The following CADPS variants were observed in gnomAD, a reference collection of about 807,000 sequenced individuals.
CADPS encodes the protein calcium-dependent secretion activator 1.
In CADPS, 57 loss-of-function variants were observed where a neutral mutation model predicts 167.3. That is an observed-to-expected ratio of 0.34 (90% CI 0.28 to 0.42). CADPS has a LOEUF of 0.42. Among genes scored for constraint, CADPS ranks in the 20% least tolerant of loss-of-function variants. The pLI is 1.00. For synonymous variants in CADPS, 676 were observed against 635.3 expected (o/e 1.06, Z -0.96); for missense variants, 1,414 against 1,738.1 (o/e 0.81, Z 3.32).
intron 1 of CADPS, chr3:62,814,469 T>A (rs1028091181): frequency 6.6e-6 from 1 of 152,158 alleles, no homozygotes; most frequent in African/African-American, 2.4e-5. Context: ...ATGACATAAA[T>A]TCGTGAAGCG....
intron 6 of CADPS, among the ~76,000 whole-genome samples, chr3:62,641,012 T>C (rs901340237): frequency 6.6e-6 from 1 of 152,222 alleles, no homozygotes; most frequent in South Asian, 2.1e-4. Flanking sequence ...CAAGATACTT[T>C]CATGATTACT....
At chr3:62,851,536 C>T (rs1232245553) in intron 1 of CADPS, among the ~76,000 whole-genome samples, 2 of 147,104 alleles carry the variant, frequency 1.4e-5, no homozygotes, top group Admixed American at 1.4e-4. Flanking sequence ...ACTTATGAAG[C>T]TTAGTTTGGC....
At chr3:62,694,799 G>T (rs540259331) in intron 3 of CADPS, among the ~76,000 whole-genome samples, 2 of 152,158 alleles carry the variant, frequency 1.3e-5, no homozygotes, top group African/African-American at 2.4e-5. Flanking sequence ...AAGGTAGAAT[G>T]GTTTACTGAA....
chr3:62,616,557 A>C (rs1167339717), intron 6 of CADPS, among the ~76,000 whole-genome samples: 1 of 152,168 alleles, frequency 6.6e-6, no homozygotes, highest in African/African-American at 2.4e-5. Context: ...GGTCATGTCC[A>C]GGGACCCCGG....
chr3:62,542,973 TTAA>T (rs1232031522), intron 11 of CADPS, among the ~76,000 whole-genome samples: 1 of 152,186 alleles, frequency 6.6e-6, no homozygotes, highest in Non-Finnish European at 1.5e-5. Flanking sequence ...CTATACCTGA[TTAA>T]TAATCTTACT....
At chr3:62,639,323 G>A (rs1051951762) in intron 6 of CADPS, among the ~76,000 whole-genome samples, 1 of 152,204 alleles carries the variant, frequency 6.6e-6, no homozygotes, top group South Asian at 2.1e-4. Context: ...CCACGTTCTC[G>A]CTACATAATG....
intron 6 of CADPS, among the ~76,000 whole-genome samples, chr3:62,610,887 G>T (rs1047591472): frequency 6.6e-6 from 1 of 151,016 alleles, no homozygotes; most frequent in Non-Finnish European, 1.5e-5. Flanking sequence ...TGGGAGGGGG[G>T]TGTGGGGGGC....
At chr3:62,676,007 C>A (rs1031381842) in intron 3 of CADPS, among the ~76,000 whole-genome samples, 6 of 152,036 alleles carry the variant, frequency 3.9e-5, no homozygotes, top group Admixed American at 3.3e-4. Flanking sequence ...TATGCAGGAA[C>A]CTTAAGTAAC....
At chr3:62,835,929 C>T (rs1428806964) in intron 1 of CADPS, among the ~76,000 whole-genome samples, 4 of 152,160 alleles carry the variant, frequency 2.6e-5, no homozygotes, top group Non-Finnish European at 5.9e-5. Flanking sequence ...GCTAATGCAG[C>T]TCCCTTCTCT....
intron 1 of CADPS, among the ~76,000 whole-genome samples, chr3:62,853,590 A>C (rs1241226275): frequency 1.3e-5 from 2 of 148,702 alleles, no homozygotes; most frequent in Non-Finnish European, 3.0e-5. Flanking sequence ...GTGTCATTGC[A>C]CTCCAGCCTG....
chr3:62,556,677 A>AT (rs921398813), intron 10 of CADPS, among the ~76,000 whole-genome samples: 104 of 147,294 alleles, frequency 7.1e-4, no homozygotes, highest in African/African-American at 9.7e-4. Context: ...ATTTCTATTC[A>AT]TTTTTTTTTT....
At chr3:62,810,828 G>T (rs1018067903) in intron 1 of CADPS, among the ~76,000 whole-genome samples, 2 of 152,218 alleles carry the variant, frequency 1.3e-5, no homozygotes, top group African/African-American at 4.8e-5. Flanking sequence ...TAGGGCGATT[G>T]TGAGGGCGCA....
chr3:62,578,291 A>G (rs2082696128), intron 8 of CADPS, among the ~76,000 whole-genome samples: 2 of 152,028 alleles, frequency 1.3e-5, no homozygotes. Flanking sequence ...AGATTATTTC[A>G]TAATGTAAAA....
At chr3:62,495,922 A>G (rs2064681557) in intron 18 of CADPS, among the ~76,000 whole-genome samples, 1 of 152,150 alleles carries the variant, frequency 6.6e-6, no homozygotes, top group Admixed American at 6.6e-5. Context: ...TTTATCTTGG[A>G]ATTTAAAATG....
chr3:62,754,569 G>A (rs2083437033), intron 2 of CADPS, among the ~76,000 whole-genome samples: 1 of 152,158 alleles, frequency 6.6e-6, no homozygotes, highest in Admixed American at 6.5e-5. Flanking sequence ...ATGCACTGCA[G>A]CCTCAAACTC....
intron 7 of CADPS, among the ~76,000 whole-genome samples, chr3:62,589,829 A>G (rs1184601769): frequency 2.0e-5 from 3 of 152,180 alleles, no homozygotes; most frequent in Non-Finnish European, 4.4e-5. Flanking sequence ...TGGCTTTGAG[A>G]AGTCAGTGAA....
intron 1 of CADPS, among the ~76,000 whole-genome samples, chr3:62,811,783 A>ACATC (rs563398933): frequency 1.7e-3 from 257 of 152,326 alleles, no homozygotes; most frequent in African/African-American, 6.0e-3. Flanking sequence ...CAAAATGAGG[A>ACATC]CATCCATTGT....
Position 62,516,081 on chromosome 3 carries a change from G to C in CADPS, c.2559C>G (p.Leu853=). The C allele has an allele frequency of 6.2e-7, 1 of 1,613,202 alleles. No homozygotes were observed. Among genetic ancestry groups the C allele is most frequent in the Non-Finnish European group, 8.5e-7 (1 of 1,179,376 alleles). ...EQAALVNYSR[L]SEYAKIEENQ... is the part of the protein sequence containing the mutation. ...TACCTTCGATTTTGGCATACTCTGA[G>C]AGCCGAGAATAGTTGACTAACGCAG... is the stretch of plus-strand genomic sequence containing the variant. The change falls in exon 16 of 30, where the codon CTC becomes CTG. Residue 853 remains leucine, a synonymous_variant. Coordinates refer to ENST00000383710, the MANE Select transcript of CADPS (RefSeq NM_003716.4).
chr3:62,425,414 A>G (rs2052436731), intron 28 of CADPS, among the ~76,000 whole-genome samples: 1 of 152,182 alleles, frequency 6.6e-6, no homozygotes, highest in Non-Finnish European at 1.5e-5. Context: ...CCACTGCTCT[A>G]AATTAGTGGT....
Sources: allele counts gnomAD v4.1 joint callset (sites outside exome capture counted in the v4.1 genomes callset), GRCh38; gene constraint gnomAD v4.1.1; transcripts MANE v1.5; gene names NCBI Gene and HGNC (gene_info 2026-07-23, HGNC 2026-07-21).